The following CREB5 variants were observed in gnomAD, a reference collection of about 807,000 sequenced individuals.
CREB5 encodes cAMP responsive element binding protein 5.
A neutral mutation model predicts 57.1 loss-of-function variants in CREB5; 19 were observed. The observed-to-expected ratio is 0.33, with a 90% CI of 0.23 to 0.49. The LOEUF (loss-of-function observed/expected upper bound fraction) is 0.49. Ranked by LOEUF, CREB5 falls within the 20% of genes least tolerant of loss-of-function variation. The pLI, the probability that CREB5 is intolerant of heterozygous loss-of-function variation, is 0.99. For missense variants in CREB5, 579 were observed against 671.6 expected, an observed-to-expected ratio of 0.86 and a Z score of 1.52; for synonymous variants, 238 against 238.3, an observed-to-expected ratio of 1.00 and a Z score of 0.01.
intron 1 of CREB5, among the ~76,000 whole-genome samples, chr7:28,347,372 T>C (rs11772490): frequency 0.36 from 54,427 of 152,018 alleles, 9,950 homozygotes; most frequent in Non-Finnish European, 0.39. Context: ...TTTGATTTAA[T>C]ACGACTTAGA....
intron 5 of CREB5, among the ~76,000 whole-genome samples, chr7:28,585,284 C>T (rs1284780480): frequency 6.6e-6 from 1 of 152,192 alleles, no homozygotes; most frequent in Non-Finnish European, 1.5e-5. Flanking sequence ...AATAACATTC[C>T]AGCAGCCCTG....
chr7:28,505,920 A>G (rs1334040278), intron 3 of CREB5, among the ~76,000 whole-genome samples: 1 of 152,226 alleles, frequency 6.6e-6, no homozygotes, highest in African/African-American at 2.4e-5. Flanking sequence ...TAATAAATAA[A>G]TTAGTTGCTA....
Position 28,422,890 on chromosome 7 carries a change from G to A in CREB5, c.3+9973G>A, listed in dbSNP as rs556133700. Among the ~76,000 whole-genome samples, 5 of 152,222 alleles carry A rather than the reference G, an allele frequency of 3.3e-5. No homozygotes were observed. The South Asian group carries it at 1.0e-3, about 32-fold the overall frequency. ...ATTAATAACACCTTACATTGTTTAG[G>A]AGTTTCAAAGTAATTTAATAGAAAT... On this transcript the variant is annotated intron_variant, in intron 1 of 10. Coordinates refer to ENST00000357727, the MANE Select transcript of CREB5 (RefSeq NM_182898.4).
intron 1 of CREB5, among the ~76,000 whole-genome samples, chr7:28,424,974 A>T (rs1788439019): frequency 6.6e-6 from 1 of 152,222 alleles, no homozygotes; most frequent in African/African-American, 2.4e-5. Flanking sequence ...CAAAGATCCG[A>T]CTAGACAGTT....
rs1413787683 is a variant in CREB5, at chr7:28,685,376, C to T, written c.465-33377C>T. Reference sequence around the variant, plus strand: ...CCCTTGGTGGCTCCAGACACGGGCACGTGTTTGGACCAGAAGTGGTTTTGC... The same window carrying T: ...CCCTTGGTGGCTCCAGACACGGGCATGTGTTTGGACCAGAAGTGGTTTTGC... On this transcript the variant is annotated intron_variant, in intron 5 of 10. Coordinates refer to ENST00000357727, the MANE Select transcript of CREB5 (RefSeq NM_182898.4). Among the ~76,000 whole-genome samples the T allele has an allele frequency of 3.9e-5, 6 of 152,224 alleles. No homozygotes were observed. In the East Asian group the frequency reaches 7.7e-4, roughly 20 times the overall value.
intron 5 of CREB5, among the ~76,000 whole-genome samples, chr7:28,643,818 G>A (rs1798785157): frequency 6.6e-6 from 1 of 151,262 alleles, no homozygotes; most frequent in Admixed American, 6.6e-5. Flanking sequence ...GGTGGCTCAT[G>A]CCTGGAATTC....
At chr7:28,762,431 T>TGCTA (rs1805713320) in intron 7 of CREB5, among the ~76,000 whole-genome samples, 1 of 152,218 alleles carries the variant, frequency 6.6e-6, no homozygotes, top group Non-Finnish European at 1.5e-5. Flanking sequence ...TATTTGCTGC[T>TGCTA]GCTAATGTTG....
chr7:28,683,413 G>C (rs1296534659), intron 5 of CREB5, among the ~76,000 whole-genome samples: 1 of 152,210 alleles, frequency 6.6e-6, no homozygotes, highest in Non-Finnish European at 1.5e-5. Flanking sequence ...TAAATATGCA[G>C]ACCTTTGAAC....
intron 1 of CREB5, among the ~76,000 whole-genome samples, chr7:28,464,744 A>T (rs1223866249): frequency 6.6e-6 from 1 of 151,892 alleles, no homozygotes; most frequent in East Asian, 1.9e-4. Flanking sequence ...ACTTTTTGAA[A>T]ATACTACCAT....
chr7:28,595,844 G>A (rs1234894979), intron 5 of CREB5, among the ~76,000 whole-genome samples: 1 of 152,130 alleles, frequency 6.6e-6, no homozygotes, highest in Non-Finnish European at 1.5e-5. Flanking sequence ...GAAATCAGAG[G>A]GGCCAGGCCA....
At chr7:28,634,153 A>T (rs908044143) in intron 5 of CREB5, among the ~76,000 whole-genome samples, 1 of 152,172 alleles carries the variant, frequency 6.6e-6, no homozygotes, top group African/African-American at 2.4e-5. Context: ...ATGGCAGGCA[A>T]ATTTCCACAC....
At chr7:28,356,856 A>T (rs1377481824) in intron 1 of CREB5, among the ~76,000 whole-genome samples, 2 of 152,156 alleles carry the variant, frequency 1.3e-5, no homozygotes, top group Admixed American at 6.5e-5. Context: ...GCTAAGTCAC[A>T]CGGCCGTCTG....
At chr7:28,444,910 C>T (rs1221932482) in intron 1 of CREB5, among the ~76,000 whole-genome samples, 3 of 152,232 alleles carry the variant, frequency 2.0e-5, no homozygotes, top group Non-Finnish European at 4.4e-5. Context: ...AAATGGTAAT[C>T]CAGAAAGTAA....
At chr7:28,643,098 T>C (rs780459943) in intron 5 of CREB5, among the ~76,000 whole-genome samples, 1 of 151,406 alleles carries the variant, frequency 6.6e-6, no homozygotes, top group African/African-American at 2.4e-5. Flanking sequence ...CGAGAATAAA[T>C]TCTCAATTGT....
At chr7:28,586,317 G>A (rs865938921) in intron 5 of CREB5, among the ~76,000 whole-genome samples, 1 of 152,188 alleles carries the variant, frequency 6.6e-6, no homozygotes, top group Non-Finnish European at 1.5e-5. Flanking sequence ...GAGGCAGCGA[G>A]TTCCCCCAAA....
intron 7 of CREB5, among the ~76,000 whole-genome samples, chr7:28,772,607 G>A (rs1806388436): frequency 6.6e-6 from 1 of 152,150 alleles, no homozygotes; most frequent in Admixed American, 6.5e-5. Context: ...AACACAGGAA[G>A]GTTTTAAATT....
intron 4 of CREB5, chr7:28,513,698 C>T (rs919572044): frequency 1.1e-4 from 16 of 152,156 alleles, no homozygotes; most frequent in Admixed American, 9.8e-4. Context: ...TCTTTGCATC[C>T]CACTCAGGGG....
intron 7 of CREB5, among the ~76,000 whole-genome samples, chr7:28,736,822 CTCTTTT>C (rs1804007727): frequency 1.1e-5 from 1 of 90,272 alleles, no homozygotes; most frequent in Admixed American, 1.6e-4. Flanking sequence ...CTCTCTCTCT[CTCTTTT>C]TTTTTTTTTT....
intron 1 of CREB5, among the ~76,000 whole-genome samples, chr7:28,371,572 C>T (rs1786706770): frequency 6.6e-6 from 1 of 151,964 alleles, no homozygotes; most frequent in Admixed American, 6.6e-5. Flanking sequence ...GTCTTCAGCC[C>T]TGGAAAGCCC....
Sources: gnomAD v4.1 joint callset for allele counts (sites outside exome capture counted in the v4.1 genomes callset) on GRCh38, gnomAD v4.1.1 for gene constraint, MANE v1.5 for transcripts, NCBI Gene and HGNC (gene_info 2026-07-23, HGNC 2026-07-21) for gene names.